The following ERG variants were observed in gnomAD, a reference collection of about 807,000 sequenced individuals.
ERG encodes ETS transcription factor ERG, also known as transcriptional regulator ERG.
In ERG, 9 loss-of-function variants were observed where a neutral mutation model predicts 55.3. That is an observed-to-expected ratio of 0.16 (90% CI 0.10 to 0.28). ERG has a LOEUF of 0.28. ERG is among the 10% of genes least tolerant of loss of function. The pLI is 1.00. For missense variants in ERG, 434 were observed against 631.6 expected (o/e 0.69, Z 3.35); for synonymous variants, 223 against 237.3 (o/e 0.94, Z 0.55).
Position 38,403,690 on chromosome 21 carries a change from T to C in ERG, c.408A>G (p.Thr136=). The part of the protein sequence containing the change: ...IVPADPTLWS[T]DHVRQWLEWA... Reference sequence around the variant, plus strand: ...ACTCCAGCCACTGCCGCACATGGTCTGTACTCCATAGCGTAGGATCTGAAA... The same window carrying C: ...ACTCCAGCCACTGCCGCACATGGTCCGTACTCCATAGCGTAGGATCTGAAA... The change falls in exon 4 of 10, where the codon ACA becomes ACG. Residue 136 remains threonine (T), a synonymous_variant. Coordinates refer to ENST00000288319, the MANE Select transcript of ERG (RefSeq NM_182918.4). 6 of 1,614,216 alleles carry C rather than the reference T, an allele frequency of 3.7e-6. No individual in the cohort carries two copies. The highest frequency in any genetic ancestry group is 5.1e-6 in the Non-Finnish European group (6 of 1,180,016).
At chr21:38,654,336 T>C (rs2060505898) in intron 1 of ERG, among the ~76,000 whole-genome samples, 3 of 152,138 alleles carry the variant, frequency 2.0e-5, no homozygotes, top group Non-Finnish European at 4.4e-5. Flanking sequence ...CCCAGGCCTG[T>C]TGGCAGGTGC....
At chr21:38,648,659 C>T (rs1169868272) in intron 1 of ERG, among the ~76,000 whole-genome samples, 1 of 152,258 alleles carries the variant, frequency 6.6e-6, no homozygotes, top group Admixed American at 6.5e-5. Context: ...GTCCTGACTC[C>T]TAATGGCAAG....
chr21:38,438,548 A>C (rs576875568), intron 2 of ERG, among the ~76,000 whole-genome samples: 27 of 152,330 alleles, frequency 1.8e-4, no homozygotes, highest in African/African-American at 6.0e-4. Context: ...AACATCTATA[A>C]AACATCCTGC....
Position 38,462,332 on chromosome 21 carries a change from CT to C in ERG, c.19-16712del, listed in dbSNP as rs79071758. On this transcript the variant is annotated intron_variant, in intron 1 of 9. Coordinates refer to ENST00000288319, the MANE Select transcript of ERG (RefSeq NM_182918.4). The stretch of plus-strand genomic sequence containing the variant: ...TTTATAAGTAAATGTTTCAAAATTT[CT>C]GTTTTTGTTTCTACCAATAGATATA... Among the ~76,000 whole-genome samples the C allele has an allele frequency of 0.011, 1,724 of 151,854 alleles. 102 individuals are homozygous for C. In the East Asian group the frequency reaches 0.17, roughly 15 times the overall value.
chr21:38,388,587 TC>T (rs1276116744), intron 9 of ERG, among the ~76,000 whole-genome samples: 1 of 152,164 alleles, frequency 6.6e-6, no homozygotes, highest in Non-Finnish European at 1.5e-5. Context: ...GGGGAAAAGT[TC>T]ACATGAGCAC....
chr21:38,435,949 T>C (rs1990421935), intron 2 of ERG, among the ~76,000 whole-genome samples: 1 of 152,078 alleles, frequency 6.6e-6, no homozygotes, highest in Non-Finnish European at 1.5e-5. Context: ...CAATAGCCAG[T>C]ATGGTGCTTC....
chr21:38,450,963 C>T, intron 1 of ERG: 2 of 449,360 alleles, frequency 4.5e-6, no homozygotes. Flanking sequence ...GAGGATGAGG[C>T]AGAAACAGGG....
chr21:38,575,692 C>G (rs2059990648), exon 2 of ERG: 5 of 1,614,036 alleles, frequency 3.1e-6, no homozygotes, highest in Non-Finnish European at 3.4e-6. Flanking sequence ...CCGGGACAGT[C>G]TGAATCATGT....
At chr21:38,483,483 T>G (rs539207776) in intron 1 of ERG, among the ~76,000 whole-genome samples, 1 of 152,374 alleles carries the variant, frequency 6.6e-6, no homozygotes, top group African/African-American at 2.4e-5. Context: ...AAGTATGGAT[T>G]TGTTAATATA....
intron 2 of ERG, among the ~76,000 whole-genome samples, chr21:38,515,494 G>C (rs1468304148): frequency 1.3e-5 from 2 of 151,726 alleles, no homozygotes; most frequent in African/African-American, 2.4e-5. Flanking sequence ...ACCAAACTTA[G>C]AAAGAAGAAC....
At chr21:38,387,296 C>A (rs533174906) in intron 9 of ERG, among the ~76,000 whole-genome samples, 14 of 152,284 alleles carry the variant, frequency 9.2e-5, no homozygotes, top group African/African-American at 2.9e-4. Flanking sequence ...CAGAAGATCC[C>A]GTGTGCATGG....
chr21:38,553,794 C>CTA (rs2059839918), intron 2 of ERG, among the ~76,000 whole-genome samples: 1 of 151,774 alleles, frequency 6.6e-6, no homozygotes. Context: ...TGACAGACTC[C>CTA]AAAAGCAATG....
In ERG at chr21:38,423,501, G is replaced by C. The variant is rs765934470; in HGVS notation, c.297C>G (p.Thr99=). 3.7e-6 allele frequency: 6 copies of C among 1,613,986 alleles called. No individual in the cohort carries two copies. The highest frequency in any genetic ancestry group is 4.2e-6 in the Non-Finnish European group (5 of 1,179,986). The change falls in exon 3 of 10, where the codon ACC becomes ACG. Residue 99 remains threonine (T), a synonymous_variant. Coordinates refer to ENST00000288319, the MANE Select transcript of ERG (RefSeq NM_182918.4). ...TGTAGCTGCCGTAGTTCATCCCAACGGTGTCTGGGCTGCCCACCATCTTCC... is the reference window on the plus strand; with the variant it reads ...TGTAGCTGCCGTAGTTCATCCCAACCGTGTCTGGGCTGCCCACCATCTTCC... The part of the protein sequence containing the change: ...KGGKMVGSPD[T]VGMNYGSYME...
chr21:38,557,853 G>A (rs557332059), intron 2 of ERG, among the ~76,000 whole-genome samples: 41 of 152,218 alleles, frequency 2.7e-4, no homozygotes, highest in African/African-American at 9.1e-4. Context: ...CCTTCTTCTT[G>A]CTCCTAAAGA....
chr21:38,544,668 T>G (rs2059776731), intron 2 of ERG, among the ~76,000 whole-genome samples: 2 of 151,942 alleles, frequency 1.3e-5, no homozygotes, highest in African/African-American at 2.4e-5. Flanking sequence ...CCAACCAACA[T>G]GATGAAAATG....
At chr21:38,647,158 C>A (rs2060462208) in intron 1 of ERG, among the ~76,000 whole-genome samples, 1 of 152,166 alleles carries the variant, frequency 6.6e-6, no homozygotes, top group South Asian at 2.1e-4. Context: ...TGTCATCCAT[C>A]TTTTGTTTTC....
intron 2 of ERG, among the ~76,000 whole-genome samples, chr21:38,533,007 A>T (rs1483639096): frequency 1.3e-5 from 2 of 152,226 alleles, no homozygotes; most frequent in Non-Finnish European, 2.9e-5. Flanking sequence ...TCCTTGAAGC[A>T]GGAAGTCAGT....
intron 2 of ERG, among the ~76,000 whole-genome samples, chr21:38,523,948 T>G (rs1455635766): frequency 2.0e-5 from 3 of 152,224 alleles, no homozygotes; most frequent in Non-Finnish European, 4.4e-5. Flanking sequence ...AGACTGCGAT[T>G]TAAGAGACAC....
intron 2 of ERG, among the ~76,000 whole-genome samples, chr21:38,553,621 G>A (rs1360534621): frequency 6.6e-6 from 1 of 152,122 alleles, no homozygotes; most frequent in Non-Finnish European, 1.5e-5. Context: ...TGGATAACTA[G>A]CTAGCCATAT....
Sources: gnomAD v4.1 joint callset for allele counts (sites outside exome capture counted in the v4.1 genomes callset) on GRCh38, gnomAD v4.1.1 for gene constraint, MANE v1.5 for transcripts, NCBI Gene and HGNC (gene_info 2026-07-23, HGNC 2026-07-21) for gene names.